Variants in PPFIA2 observed in about 807,000 individuals in gnomAD.
PPFIA2 encodes the protein liprin-alpha-2.
Under a neutral mutation model 175.5 loss-of-function variants are expected in PPFIA2, and 46 were observed. That is an observed-to-expected ratio of 0.26 (90% CI 0.21 to 0.34). PPFIA2 has a LOEUF of 0.34. Ranked by LOEUF, PPFIA2 falls within the 10% of genes least tolerant of loss-of-function variation. PPFIA2 has a pLI of 1.00. For synonymous variants in PPFIA2, 568 were observed against 511.4 expected (o/e 1.11, Z -1.49); for missense variants, 1,179 against 1,506.1 (o/e 0.78, Z 3.60).
intron 9 of PPFIA2, among the ~76,000 whole-genome samples, chr12:81,380,964 GTGTGTGTGTGT>G (rs2037525715): frequency 6.2e-5 from 1 of 16,080 alleles, no homozygotes; most frequent in African/African-American, 2.2e-4. Context: ...TCACAGTGCT[GTGTGTGTGTGT>G]GTGTGTGTGT....
intron 7 of PPFIA2, among the ~76,000 whole-genome samples, chr12:81,427,693 A>G (rs1161969704): frequency 6.6e-6 from 1 of 152,086 alleles, no homozygotes; most frequent in Non-Finnish European, 1.5e-5. Flanking sequence ...CAAAGTATCA[A>G]CAGAAAAGTA....
At chr12:81,274,363 G>A (rs1256535421) in intron 28 of PPFIA2, among the ~76,000 whole-genome samples, 1 of 152,108 alleles carries the variant, frequency 6.6e-6, no homozygotes, top group Admixed American at 6.5e-5. Context: ...GACATATTAT[G>A]TGGTCGTGAT....
At chr12:81,450,633 C>G (rs981748094) in intron 5 of PPFIA2, among the ~76,000 whole-genome samples, 1 of 152,096 alleles carries the variant, frequency 6.6e-6, no homozygotes, top group Non-Finnish European at 1.5e-5. Flanking sequence ...TGCAGAAGCT[C>G]TTTAGTTTAA....
intron 7 of PPFIA2, among the ~76,000 whole-genome samples, chr12:81,432,136 C>T (rs2048201631): frequency 6.6e-6 from 1 of 151,948 alleles, no homozygotes; most frequent in Non-Finnish European, 1.5e-5. Flanking sequence ...TTTAAGTGTG[C>T]CCTTTAAGTA....
intron 7 of PPFIA2, among the ~76,000 whole-genome samples, chr12:81,433,564 G>A (rs2048465593): frequency 6.6e-6 from 1 of 152,062 alleles, no homozygotes; most frequent in Non-Finnish European, 1.5e-5. Context: ...ACATGGTAGA[G>A]ATTAATTAAT....
At chr12:81,465,290 T>G (rs1207279300) in intron 4 of PPFIA2, 1 of 152,138 alleles carries the variant, frequency 6.6e-6, no homozygotes, top group Admixed American at 6.6e-5. Flanking sequence ...CAAACCAGTT[T>G]GAGAGAGAAG....
chr12:81,530,049 A>G (rs1022913351), intron 4 of PPFIA2, among the ~76,000 whole-genome samples: 9 of 152,030 alleles, frequency 5.9e-5, no homozygotes, highest in Non-Finnish European at 1.5e-5. Flanking sequence ...GAACTTTCAA[A>G]GATTATATGA....
intron 4 of PPFIA2, among the ~76,000 whole-genome samples, chr12:81,635,081 T>C (rs991578804): frequency 2.6e-5 from 4 of 152,236 alleles, no homozygotes; most frequent in Non-Finnish European, 5.9e-5. Flanking sequence ...GGAGCAACGA[T>C]GAAAGTGTTT....
At chr12:81,670,231 T>C (rs925636648) in intron 4 of PPFIA2, among the ~76,000 whole-genome samples, 1 of 151,940 alleles carries the variant, frequency 6.6e-6, no homozygotes, top group African/African-American at 2.4e-5. Context: ...AAGGGAGTGA[T>C]CTAACCTGGA....
intron 4 of PPFIA2, chr12:81,598,134 G>A (rs2059440433): frequency 6.7e-7 from 1 of 1,492,600 alleles, no homozygotes; most frequent in South Asian, 1.3e-5. Flanking sequence ...AGACTAGAGG[G>A]TAAAATGAAA....
chr12:81,733,610 T>C (rs964983174), intron 3 of PPFIA2, among the ~76,000 whole-genome samples: 4 of 151,708 alleles, frequency 2.6e-5, no homozygotes, highest in South Asian at 4.1e-4. Flanking sequence ...ATTAAAGAGA[T>C]TGCTTTTACA....
chr12:81,416,780 C>A (rs2045351714), intron 7 of PPFIA2, among the ~76,000 whole-genome samples: 1 of 151,600 alleles, frequency 6.6e-6, no homozygotes, highest in African/African-American at 2.4e-5. Flanking sequence ...CAACTGACTG[C>A]AGTAATTAAT....
At chr12:81,271,145 ATAT>A (rs773050080) in intron 28 of PPFIA2, among the ~76,000 whole-genome samples, 34 of 152,222 alleles carry the variant, frequency 2.2e-4, no homozygotes, top group Admixed American at 7.2e-4. Context: ...TGCCCATTTA[ATAT>A]TATTACTTTG....
At chr12:81,667,111 T>TA (rs1262468238) in intron 4 of PPFIA2, among the ~76,000 whole-genome samples, 1 of 152,136 alleles carries the variant, frequency 6.6e-6, no homozygotes, top group Admixed American at 6.6e-5. Flanking sequence ...TACAAAATGT[T>TA]AACCATTCTA....
At chr12:81,376,643 A>G (rs2036430092) in intron 9 of PPFIA2, among the ~76,000 whole-genome samples, 2 of 152,296 alleles carry the variant, frequency 1.3e-5, no homozygotes, top group Non-Finnish European at 2.9e-5. Flanking sequence ...TAATATGGAG[A>G]TAATTTTACC....
chr12:81,369,471 A>G, intron 11 of PPFIA2: 1 of 1,247,880 alleles, frequency 8.0e-7, no homozygotes, highest in African/African-American at 1.5e-5. Context: ...TTGAACACAA[A>G]CCTGCCATTG....
At chr12:81,604,714 T>C (rs937128786) in intron 4 of PPFIA2, among the ~76,000 whole-genome samples, 1 of 151,732 alleles carries the variant, frequency 6.6e-6, no homozygotes. Context: ...ACATACCCAT[T>C]TTAATCGCTA....
intron 4 of PPFIA2, among the ~76,000 whole-genome samples, chr12:81,605,693 A>ATCTATCTATCTATCTATCTC (rs55909659): frequency 6.9e-6 from 1 of 145,546 alleles, no homozygotes; most frequent in African/African-American, 2.8e-5. Context: ...CTATCTATCT[A>ATCTATCTATCTATCTATCTC]ATCTGTCTAT....
At chr12:81,720,010 G>A (rs912318876) in intron 3 of PPFIA2, among the ~76,000 whole-genome samples, 29 of 151,000 alleles carry the variant, frequency 1.9e-4, no homozygotes, top group African/African-American at 6.6e-4. Flanking sequence ...CTGTAAAATT[G>A]TGTCCATTCT....
Sources: gnomAD v4.1 joint callset for allele counts (sites outside exome capture counted in the v4.1 genomes callset) on GRCh38, gnomAD v4.1.1 for gene constraint, MANE v1.5 for transcripts, NCBI Gene and HGNC (gene_info 2026-07-23, HGNC 2026-07-21) for gene names.